Variants in TRPC4 observed in about 807,000 individuals in gnomAD.
TRPC4 encodes transient receptor potential cation channel subfamily C member 4.
A neutral mutation model predicts 99.4 loss-of-function variants in TRPC4; 49 were observed. The ratio of observed to expected loss-of-function variants is 0.49; its 90% CI spans 0.39 to 0.63. The LOEUF (loss-of-function observed/expected upper bound fraction) is 0.63. Ranked by LOEUF, TRPC4 falls within the 20% of genes least tolerant of loss-of-function variation. TRPC4 has a pLI of 0.00. For missense variants in TRPC4, 898 were observed against 1,152.9 expected, an observed-to-expected ratio of 0.78 and a Z score of 3.20; for synonymous variants, 454 against 425.9, an observed-to-expected ratio of 1.07 and a Z score of -0.81.
intron 1 of TRPC4, among the ~76,000 whole-genome samples, chr13:37,853,042 T>A (rs1349171230): frequency 6.6e-6 from 1 of 151,650 alleles, no homozygotes; most frequent in Admixed American, 6.6e-5. Flanking sequence ...GGAATCTCAC[T>A]GCCCTGGGGA....
At chr13:37,706,190 G>T (rs991909923) in intron 3 of TRPC4, among the ~76,000 whole-genome samples, 1 of 152,118 alleles carries the variant, frequency 6.6e-6, no homozygotes, top group African/African-American at 2.4e-5. Context: ...TTACTCAATT[G>T]GATTAACCGC....
chr13:37,816,176 G>A (rs2139504335), intron 1 of TRPC4, among the ~76,000 whole-genome samples: 1 of 151,810 alleles, frequency 6.6e-6, no homozygotes, highest in African/African-American at 2.4e-5. Flanking sequence ...ATTCATGGAA[G>A]GGCATTATAT....
At chr13:37,660,801 G>A (rs1317151435) in intron 6 of TRPC4, among the ~76,000 whole-genome samples, 1 of 152,004 alleles carries the variant, frequency 6.6e-6, no homozygotes, top group Non-Finnish European at 1.5e-5. Flanking sequence ...TTTATGAAAT[G>A]TACAGAATTA....
chr13:37,681,947 T>C, intron 4 of TRPC4, among the ~76,000 whole-genome samples: 1 of 152,216 alleles, frequency 6.6e-6, no homozygotes, highest in East Asian at 1.9e-4. Flanking sequence ...TTTACTATTT[T>C]TTTCTACCTT....
intron 1 of TRPC4, among the ~76,000 whole-genome samples, chr13:37,811,365 C>T (rs9576361): frequency 0.26 from 38,993 of 151,982 alleles, 5,517 homozygotes; most frequent in East Asian, 0.43. Context: ...ACATTATCAG[C>T]CCAGGACAGT....
intron 1 of TRPC4, among the ~76,000 whole-genome samples, chr13:37,838,876 A>G (rs1016293370): frequency 6.6e-6 from 1 of 152,136 alleles, no homozygotes; most frequent in African/African-American, 2.4e-5. Flanking sequence ...TCTGTCCACG[A>G]TTATAATTAT....
intron 5 of TRPC4, among the ~76,000 whole-genome samples, chr13:37,667,019 G>A (rs1027457856): frequency 2.6e-5 from 4 of 152,158 alleles, no homozygotes; most frequent in South Asian, 2.1e-4. Flanking sequence ...CTCACAGATC[G>A]AAAGTGTAAC....
chr13:37,776,855 A>G (rs1956719965), intron 2 of TRPC4, among the ~76,000 whole-genome samples: 1 of 151,956 alleles, frequency 6.6e-6, no homozygotes, highest in South Asian at 2.1e-4. Flanking sequence ...AGATTTGTCT[A>G]AAGAACATAT....
intron 2 of TRPC4, 44 bp from the exon 3 acceptor site, chr13:37,746,499 T>C (rs769727609): frequency 2.6e-6 from 4 of 1,542,338 alleles, no homozygotes; most frequent in Non-Finnish European, 3.5e-6. Context: ...TATTCTTTTG[T>C]TCAAGTCTGT....
intron 2 of TRPC4, among the ~76,000 whole-genome samples, chr13:37,768,663 A>AACACACAC (rs375944847): frequency 1.7e-3 from 236 of 142,760 alleles, no homozygotes; most frequent in African/African-American, 4.7e-3. Context: ...CACACATACG[A>AACACACAC]ACACACACGC....
At position 37,762,633 on chromosome 13, in the gene TRPC4, C is replaced by T. The variant is rs866851368; in HGVS notation, c.379-16178G>A. ...ATAGCAAGAACAAAAAACCAAACAC[C>T]GCATATTCTCACTCACATGTGGGAA... On this transcript the variant is annotated intron_variant, in intron 2 of 10. Coordinates refer to ENST00000379705, the MANE Select transcript of TRPC4 (RefSeq NM_016179.4). 8.9e-5 allele frequency among the ~76,000 whole-genome samples: 13 copies of T among 146,634 alleles called. No homozygotes were observed. In the South Asian group the frequency reaches 1.7e-3, roughly 19 times the overall value.
At chr13:37,772,103 T>C (rs1017727622) in intron 2 of TRPC4, among the ~76,000 whole-genome samples, 6 of 151,670 alleles carry the variant, frequency 4.0e-5, no homozygotes, top group Non-Finnish European at 8.8e-5. Flanking sequence ...ACAACAGCAA[T>C]TGGAAACTCT....
intron 3 of TRPC4, among the ~76,000 whole-genome samples, chr13:37,703,817 T>G (rs1954180959): frequency 6.6e-6 from 1 of 152,042 alleles, no homozygotes; most frequent in Admixed American, 6.6e-5. Flanking sequence ...CAATGATACA[T>G]CCATTCTTAC....
At chr13:37,745,510 A>G (rs1327667293) in intron 3 of TRPC4, among the ~76,000 whole-genome samples, 3 of 125,002 alleles carry the variant, frequency 2.4e-5, no homozygotes, top group Non-Finnish European at 3.2e-5. Context: ...GTATATATGT[A>G]TATATATACG....
rs761917383 is a variant in TRPC4 at position 37,636,777 on chromosome 13, A to T, written c.*126T>A. 7.5e-7 allele frequency: 1 copy of T among 1,325,854 alleles called. No individual in the cohort carries two copies. Among genetic ancestry groups the T allele is most frequent in the Non-Finnish European group, 1.0e-6 (1 of 995,406 alleles). The allele number at this position is 1,325,854 out of a possible 1,614,324, so 82.1% of individuals were successfully genotyped here. Reference sequence around the variant, plus strand: ...CTTATTTAAACATGTTACAGGTAATATGCCACAGCTGATAAACGCTATAAA... The same window carrying T: ...CTTATTTAAACATGTTACAGGTAATTTGCCACAGCTGATAAACGCTATAAA... On this transcript the variant is annotated 3_prime_UTR_variant, in exon 11 of 11. Transcript: ENST00000379705.
chr13:37,639,588 C>T (rs1261062602), intron 8 of TRPC4, among the ~76,000 whole-genome samples: 3 of 151,868 alleles, frequency 2.0e-5, no homozygotes, highest in African/African-American at 7.3e-5. Context: ...AGTTAATATG[C>T]ACTCAACATT....
chr13:37,725,525 AAGATT>A lies in TRPC4; in HGVS notation c.897+20407_897+20411del, dbSNP rs576974242. Among the ~76,000 whole-genome samples the A allele has an allele frequency of 6.6e-5, 10 of 152,310 alleles. No individual in the cohort carries two copies. In the South Asian group the frequency reaches 1.2e-3, roughly 19 times the overall value. On this transcript the variant is annotated intron_variant, in intron 3 of 10. Transcript: ENST00000379705. Reference sequence around the variant, plus strand: ...TCATTACATACAAGGAATCCTGAATAAGATTATCAACAGATTTCTCATCAGAAACT... The same window carrying A: ...TCATTACATACAAGGAATCCTGAATAATCAACAGATTTCTCATCAGAAACT...
Position 37,692,329 on chromosome 13 carries a change from C to A in TRPC4, c.904G>T (p.Ala302Ser). ...AGCAGCTGTTGACAATTGGGCTGGG[C>A]AACAAACTAAACAGAAGGGAAAGGA... ...AIKYRQKEFV[A>S]QPNCQQLLAS... Residue 302 changes from alanine (A) to serine (S), a missense_variant, in exon 4 of 11, where the codon GCC becomes TCC. Ala to Ser is a moderately conservative substitution (Grantham distance 99, BLOSUM62 1). Transcript: ENST00000379705. The A allele has an allele frequency of 6.2e-7, 1 of 1,611,958 alleles. No individual in the cohort carries two copies.
chr13:37,639,215 T>C lies in TRPC4; in HGVS notation c.2121+43A>G. On this transcript the variant is annotated intron_variant, in intron 9 of 10. Coordinates refer to ENST00000379705, the MANE Select transcript of TRPC4 (RefSeq NM_016179.4). Reference sequence around the variant, plus strand: ...CAGTTCTGAAGGGGGGACTGCATTTTATTTTAGTGAAAATTTCAAGACATA... The same window carrying C: ...CAGTTCTGAAGGGGGGACTGCATTTCATTTTAGTGAAAATTTCAAGACATA... 3 of 1,613,372 alleles carry C rather than the reference T, an allele frequency of 1.9e-6. No homozygotes were observed. In the South Asian group the frequency reaches 3.3e-5, roughly 18 times the overall value.
Sources: allele counts gnomAD v4.1 joint callset (sites outside exome capture counted in the v4.1 genomes callset), GRCh38; gene constraint gnomAD v4.1.1; transcripts MANE v1.5; gene names NCBI Gene and HGNC (gene_info 2026-07-23, HGNC 2026-07-21).